Variants in PDSS2 observed in about 807,000 individuals in gnomAD.
PDSS2 encodes the protein decaprenyl diphosphate synthase subunit 2, also known as all trans-polyprenyl-diphosphate synthase PDSS2.
In PDSS2, 31 loss-of-function variants were observed where a neutral mutation model predicts 44.5. The ratio of observed to expected loss-of-function variants is 0.70; its 90% CI spans 0.52 to 0.94. The LOEUF is 0.94. Ranked by LOEUF, PDSS2 falls within the 40% of genes least tolerant of loss-of-function variation. PDSS2 has a pLI of 0.00. For synonymous variants in PDSS2, 157 were observed against 180.3 expected, an observed-to-expected ratio of 0.87 and a Z score of 1.03; for missense variants, 452 against 482.2, an observed-to-expected ratio of 0.94 and a Z score of 0.59.
At chr6:107,330,159 A>G (rs1355167723) in intron 2 of PDSS2, among the ~76,000 whole-genome samples, 2 of 152,150 alleles carry the variant, frequency 1.3e-5, no homozygotes, top group African/African-American at 4.8e-5. Flanking sequence ...TGATTCAGGG[A>G]CACAGGCAAC....
chr6:107,214,196 C>T (rs1050745813), intron 4 of PDSS2, among the ~76,000 whole-genome samples: 3 of 151,800 alleles, frequency 2.0e-5, no homozygotes, highest in Non-Finnish European at 2.9e-5. Flanking sequence ...CTCTGCCTCC[C>T]GGGTTCACTC....
intron 3 of PDSS2, chr6:107,264,459 T>C (rs1003460209): frequency 8.1e-5 from 126 of 1,549,638 alleles, no homozygotes; most frequent in Non-Finnish European, 1.0e-4. Context: ...AGATCCAGGC[T>C]GACTCACAGT....
intron 2 of PDSS2, among the ~76,000 whole-genome samples, chr6:107,302,042 T>C (rs1280783502): frequency 6.6e-6 from 1 of 152,062 alleles, no homozygotes; most frequent in African/African-American, 2.4e-5. Context: ...TGCACGACTC[T>C]GTAAATATAT....
intron 1 of PDSS2, among the ~76,000 whole-genome samples, chr6:107,432,125 T>C (rs966393951): frequency 6.6e-6 from 1 of 152,152 alleles, no homozygotes; most frequent in Non-Finnish European, 1.5e-5. Context: ...TGAATGAAAG[T>C]GGTGGAAGAA....
chr6:107,225,744 C>G (rs1425743745), intron 4 of PDSS2, among the ~76,000 whole-genome samples: 1 of 152,166 alleles, frequency 6.6e-6, no homozygotes, highest in African/African-American at 2.4e-5. Flanking sequence ...AAGTTTGAGA[C>G]TATCTTGCCA....
intron 4 of PDSS2, among the ~76,000 whole-genome samples, chr6:107,231,907 A>G (rs1774062195): frequency 6.6e-6 from 1 of 151,526 alleles, no homozygotes; most frequent in South Asian, 2.1e-4. Flanking sequence ...GGTTGCAGTG[A>G]GCCGAGATGG....
chr6:107,247,290 A>G (rs1310576109), intron 3 of PDSS2, among the ~76,000 whole-genome samples: 1 of 152,230 alleles, frequency 6.6e-6, no homozygotes, highest in Non-Finnish European at 1.5e-5. Context: ...GTCTGACGCT[A>G]AATGTCAAAA....
chr6:107,449,739 A>C (rs1222684059), intron 1 of PDSS2, among the ~76,000 whole-genome samples: 1 of 151,988 alleles, frequency 6.6e-6, no homozygotes, highest in Non-Finnish European at 1.5e-5. Context: ...ATGTCTAGTT[A>C]ATTTATTTTT....
chr6:107,211,676 A>T (rs1302063243), intron 5 of PDSS2, among the ~76,000 whole-genome samples: 1 of 149,722 alleles, frequency 6.7e-6, no homozygotes, highest in African/African-American at 2.5e-5. Flanking sequence ...GTTGCGTTGC[A>T]GTGAGCTGAG....
At chr6:107,304,499 G>C (rs1776794759) in intron 2 of PDSS2, among the ~76,000 whole-genome samples, 1 of 152,178 alleles carries the variant, frequency 6.6e-6, no homozygotes, top group African/African-American at 2.4e-5. Flanking sequence ...TCTAGAGCCA[G>C]GTTGCCTAGA....
chr6:107,165,851 T>G (rs1554247423), intron 7 of PDSS2, among the ~76,000 whole-genome samples: 1 of 152,154 alleles, frequency 6.6e-6, no homozygotes, highest in Non-Finnish European at 1.5e-5. Flanking sequence ...TGAGCAGTGG[T>G]TTGTAGTTTT....
chr6:107,276,858 G>A (rs772851148), intron 2 of PDSS2, among the ~76,000 whole-genome samples: 30 of 152,292 alleles, frequency 2.0e-4, no homozygotes, highest in African/African-American at 7.2e-4. Context: ...TAGCCTCTTA[G>A]AGAATGAAAG....
chr6:107,384,669 A>AAAAAACAG (rs1452819266), intron 1 of PDSS2, among the ~76,000 whole-genome samples: 3 of 151,860 alleles, frequency 2.0e-5, no homozygotes, highest in Non-Finnish European at 4.4e-5. Flanking sequence ...CAAAAAAACA[A>AAAAAACAG]AAAAAACCCA....
chr6:107,211,558 C>T (rs1035314855), intron 5 of PDSS2, among the ~76,000 whole-genome samples: 8 of 151,628 alleles, frequency 5.3e-5, no homozygotes, highest in Non-Finnish European at 1.2e-4. Context: ...GGTGAAACCT[C>T]GTCTCTACTA....
intron 7 of PDSS2, among the ~76,000 whole-genome samples, chr6:107,180,361 G>T (rs936663682): frequency 6.6e-6 from 1 of 152,118 alleles, no homozygotes; most frequent in Non-Finnish European, 1.5e-5. Flanking sequence ...TACCCCAATT[G>T]AATCTCTCTG....
chr6:107,207,975 CTTGTTTT>C (rs1773046362), intron 6 of PDSS2, among the ~76,000 whole-genome samples: 1 of 68,222 alleles, frequency 1.5e-5, no homozygotes, highest in African/African-American at 6.9e-5. Flanking sequence ...CTGTCTATGA[CTTGTTTT>C]TTTTTTTTTT....
At chr6:107,156,131 C>A (rs1266391056) in intron 7 of PDSS2, among the ~76,000 whole-genome samples, 1 of 151,498 alleles carries the variant, frequency 6.6e-6, no homozygotes, top group African/African-American at 2.4e-5. Context: ...CTCAGGCAAT[C>A]CGCCTGCCTC....
chr6:107,347,190 G>A (rs1035229490), intron 1 of PDSS2, among the ~76,000 whole-genome samples: 3 of 152,000 alleles, frequency 2.0e-5, no homozygotes, highest in African/African-American at 7.3e-5. Flanking sequence ...GTGCCCTTCC[G>A]GTGGTCTGTG....
At chr6:107,198,638 T>C (rs1450291944) in intron 6 of PDSS2, among the ~76,000 whole-genome samples, 1 of 152,184 alleles carries the variant, frequency 6.6e-6, no homozygotes, top group East Asian at 1.9e-4. Flanking sequence ...TATGGTGTTT[T>C]CTCACAAAAA....
Sources: allele counts gnomAD v4.1 joint callset (sites outside exome capture counted in the v4.1 genomes callset), GRCh38; gene constraint gnomAD v4.1.1; transcripts MANE v1.5; gene names NCBI Gene and HGNC (gene_info 2026-07-23, HGNC 2026-07-21).